The following RAD51B variants were observed in gnomAD, a reference collection of about 807,000 sequenced individuals.
The protein encoded by RAD51B is RAD51 paralog B.
Under a neutral mutation model 42.2 loss-of-function variants are expected in RAD51B, and 38 were observed. The observed-to-expected ratio is 0.90, with a 90% CI of 0.70 to 1.18. The LOEUF (loss-of-function observed/expected upper bound fraction) is 1.18, where lower values mean the gene tolerates loss of function less well. RAD51B is among the 50% of genes most tolerant of loss of function. The pLI, the probability that RAD51B is intolerant of heterozygous loss-of-function variation, is 0.00. For synonymous variants in RAD51B, 154 were observed against 145.2 expected, an observed-to-expected ratio of 1.06 and a Z score of -0.43; for missense variants, 373 against 400.7, an observed-to-expected ratio of 0.93 and a Z score of 0.59.
intron 7 of RAD51B, among the ~76,000 whole-genome samples, chr14:67,966,619 T>G (rs1321684166): frequency 6.6e-6 from 1 of 152,192 alleles, no homozygotes; most frequent in African/African-American, 2.4e-5. Flanking sequence ...TTCAGACCTT[T>G]CTCTATGCAT....
At chr14:67,926,857 T>C (rs958577627) in intron 7 of RAD51B, among the ~76,000 whole-genome samples, 3 of 152,178 alleles carry the variant, frequency 2.0e-5, no homozygotes, top group African/African-American at 7.2e-5. Context: ...CCACCACGCC[T>C]GGCGGAGATA....
chr14:68,484,109 C>CA (rs1883416553), intron 10 of RAD51B, among the ~76,000 whole-genome samples: 1 of 152,188 alleles, frequency 6.6e-6, no homozygotes, highest in Non-Finnish European at 1.5e-5. Flanking sequence ...AGGTCTCAAA[C>CA]ATAGACTTCG....
chr14:68,611,635 C>T, downstream of RAD51B: 1 of 347,398 alleles, frequency 2.9e-6, no homozygotes, highest in Non-Finnish European at 5.4e-6. Context: ...TAGGACTCCA[C>T]CTATCTGCAT....
intron 7 of RAD51B, among the ~76,000 whole-genome samples, chr14:68,267,842 A>T (rs573238596): frequency 6.6e-6 from 1 of 152,342 alleles, no homozygotes; most frequent in Non-Finnish European, 1.5e-5. Context: ...GCTCTGTCAT[A>T]ATTAAACAAT....
chr14:68,276,387 T>C (rs1308035726), intron 7 of RAD51B, among the ~76,000 whole-genome samples: 3 of 152,214 alleles, frequency 2.0e-5, no homozygotes, highest in Non-Finnish European at 2.9e-5. Context: ...CTACATTTCA[T>C]TTTAGCTCAT....
rs948471382 is a variant in RAD51B at position 68,391,196 on chromosome 14, T to A, written c.854-20228T>A. Among the ~76,000 whole-genome samples, 111 of 152,064 alleles carry A rather than the reference T, an allele frequency of 7.3e-4. 1 individual carries two copies. Among genetic ancestry groups the A allele is most frequent in the Non-Finnish European group, 1.1e-3 (74 of 68,010 alleles). ...TTTCTTTCTTTCTTCTTTCCTTTCT[T>A]CTTTCTTTTCATGTAGCATTTCTTT... On this transcript the variant is annotated intron_variant, in intron 8 of 10. Coordinates refer to ENST00000471583, the MANE Select transcript of RAD51B (RefSeq NM_133510.4).
chr14:68,574,963 T>C (rs894547946), intron 10 of RAD51B, among the ~76,000 whole-genome samples: 1 of 152,150 alleles, frequency 6.6e-6, no homozygotes, highest in African/African-American at 2.4e-5. Context: ...CCAAATCCAC[T>C]CTGAGGTTAG....
At chr14:68,070,553 G>A (rs2076725045) in intron 7 of RAD51B, among the ~76,000 whole-genome samples, 1 of 152,100 alleles carries the variant, frequency 6.6e-6, no homozygotes, top group South Asian at 2.1e-4. Flanking sequence ...CCCATTGCTT[G>A]TTTTTATTGA....
chr14:68,222,924 G>A (rs2079959777), intron 7 of RAD51B, among the ~76,000 whole-genome samples: 1 of 152,068 alleles, frequency 6.6e-6, no homozygotes, highest in Non-Finnish European at 1.5e-5. Context: ...TCCTGCGGAT[G>A]CACACATACC....
chr14:68,349,307 C>T (rs542513081), intron 8 of RAD51B, among the ~76,000 whole-genome samples: 2 of 152,142 alleles, frequency 1.3e-5, no homozygotes, highest in East Asian at 3.9e-4. Flanking sequence ...AAGGAACAAA[C>T]TAGAATGTTC....
At chr14:68,323,447 G>A (rs1442730334) in intron 8 of RAD51B, among the ~76,000 whole-genome samples, 1 of 152,178 alleles carries the variant, frequency 6.6e-6, no homozygotes. Context: ...TAAGGGTGGT[G>A]TTCCTTAGGG....
At chr14:68,617,231 T>C (rs1484945325) in intron 10 of RAD51B, among the ~76,000 whole-genome samples, 1 of 152,248 alleles carries the variant, frequency 6.6e-6, no homozygotes, top group Non-Finnish European at 1.5e-5. Context: ...AGCAGGCAGT[T>C]ACTTATGGAT....
At chr14:68,017,012 A>G (rs954346178) in intron 7 of RAD51B, among the ~76,000 whole-genome samples, 23 of 152,280 alleles carry the variant, frequency 1.5e-4, no homozygotes, top group Non-Finnish European at 2.5e-4. Flanking sequence ...AGGAAATGTC[A>G]GTGTTTGGAG....
chr14:68,369,900 C>T (rs1016507870), intron 8 of RAD51B, among the ~76,000 whole-genome samples: 14 of 152,082 alleles, frequency 9.2e-5, no homozygotes, highest in African/African-American at 1.4e-4. Flanking sequence ...AAACAAACTT[C>T]GAGGGGATGA....
intron 9 of RAD51B, among the ~76,000 whole-genome samples, chr14:68,414,859 TAAAAAAAAAAAA>T (rs33968049): frequency 5.6e-5 from 4 of 71,212 alleles, no homozygotes; most frequent in African/African-American, 1.7e-4. Context: ...CCATCTCTAC[TAAAAAAAAAAAA>T]AAAAAAAAAA....
intron 7 of RAD51B, among the ~76,000 whole-genome samples, chr14:68,236,969 C>T (rs1454939833): frequency 2.0e-5 from 3 of 152,212 alleles, no homozygotes; most frequent in Non-Finnish European, 4.4e-5. Flanking sequence ...GATTCCCCAG[C>T]ACTTGCCTAT....
intron 7 of RAD51B, among the ~76,000 whole-genome samples, chr14:67,994,285 T>C (rs2075346043): frequency 6.6e-6 from 1 of 152,150 alleles, no homozygotes; most frequent in South Asian, 2.1e-4. Flanking sequence ...CTGGTTTTAA[T>C]TTTAATGTGC....
intron 7 of RAD51B, among the ~76,000 whole-genome samples, chr14:68,157,548 T>TGCAGTATATCAGCCTTGTCCA (rs2078539351): frequency 6.6e-6 from 1 of 152,216 alleles, no homozygotes; most frequent in African/African-American, 2.4e-5. Flanking sequence ...ACTTCTGTCC[T>TGCAGTATATCAGCCTTGTCCA]GCAGTATATC....
chr14:68,238,689 C>T (rs181203878), intron 7 of RAD51B, among the ~76,000 whole-genome samples: 3 of 152,354 alleles, frequency 2.0e-5, no homozygotes, highest in Admixed American at 1.3e-4. Context: ...TTGGTCTCAA[C>T]TCTTAAAACC....
Sources: gnomAD v4.1 joint callset for allele counts (sites outside exome capture counted in the v4.1 genomes callset) on GRCh38, gnomAD v4.1.1 for gene constraint, MANE v1.5 for transcripts, NCBI Gene and HGNC (gene_info 2026-07-23, HGNC 2026-07-21) for gene names.